The following DENND1A variants were observed in gnomAD, a reference collection of about 807,000 sequenced individuals.
DENND1A encodes the protein DENN domain-containing protein 1A.
DENND1A carries 51 observed loss-of-function variants against 113.7 expected under a neutral mutation model. The ratio of observed to expected loss-of-function variants is 0.45; its 90% CI spans 0.36 to 0.57. The LOEUF is 0.57. DENND1A is among the 20% of genes least tolerant of loss of function. The probability of loss-of-function intolerance (pLI) is 0.00; values close to 1 mark genes in which losing one functional copy is unlikely to be tolerated. For missense variants in DENND1A, 1,258 were observed against 1,395.9 expected (o/e 0.90, Z 1.57); for synonymous variants, 565 against 570.8 (o/e 0.99, Z 0.14).
chr9:123,844,585 T>C (rs1024530504), intron 2 of DENND1A, among the ~76,000 whole-genome samples: 11 of 152,154 alleles, frequency 7.2e-5, no homozygotes, highest in African/African-American at 2.7e-4. Context: ...CCTTAATAAA[T>C]GGAAAGATAT....
chr9:123,840,479 G>C (rs1841668089), intron 2 of DENND1A, among the ~76,000 whole-genome samples: 1 of 152,012 alleles, frequency 6.6e-6, no homozygotes, highest in Non-Finnish European at 1.5e-5. Context: ...ACAAGAATCA[G>C]TCATATATAC....
intron 13 of DENND1A, among the ~76,000 whole-genome samples, chr9:123,499,019 C>A (rs948188742): frequency 2.0e-5 from 3 of 151,270 alleles, no homozygotes; most frequent in Non-Finnish European, 4.4e-5. Flanking sequence ...CACTGTGCCC[C>A]GCCTTTTTAA....
intron 13 of DENND1A, among the ~76,000 whole-genome samples, chr9:123,468,754 A>C (rs2049157448): frequency 6.6e-6 from 1 of 152,216 alleles, no homozygotes; most frequent in Admixed American, 6.5e-5. Context: ...AAGCTGAGAG[A>C]GTGGGGACAG....
intron 13 of DENND1A, among the ~76,000 whole-genome samples, chr9:123,543,837 T>G (rs2056460969): frequency 6.6e-6 from 1 of 152,196 alleles, no homozygotes; most frequent in Admixed American, 6.5e-5. Flanking sequence ...CACCCCTTAC[T>G]GCAACTCTCT....
chr9:123,825,281 G>C (rs1198761516), intron 2 of DENND1A, among the ~76,000 whole-genome samples: 1 of 150,726 alleles, frequency 6.6e-6, no homozygotes, highest in Non-Finnish European at 1.5e-5. Flanking sequence ...TGTTCCCAAT[G>C]CTCCTGGGAA....
At chr9:123,708,712 G>A (rs1448416688) in intron 5 of DENND1A, among the ~76,000 whole-genome samples, 1 of 152,136 alleles carries the variant, frequency 6.6e-6, no homozygotes, top group Admixed American at 6.5e-5. Context: ...GTTTGGCAGG[G>A]GGAGTAGGAT....
intron 19 of DENND1A, among the ~76,000 whole-genome samples, chr9:123,419,746 T>C (rs900657896): frequency 1.3e-5 from 2 of 152,256 alleles, no homozygotes; most frequent in African/African-American, 4.8e-5. Flanking sequence ...ATTGAAGCGA[T>C]ATTTTTGTGG....
intron 13 of DENND1A, among the ~76,000 whole-genome samples, chr9:123,517,656 C>A (rs971679131): frequency 2.6e-5 from 4 of 151,444 alleles, no homozygotes; most frequent in South Asian, 4.2e-4. Context: ...ACAAAACAAA[C>A]AAAAAAAACA....
chr9:123,924,520 G>A (rs567357510), intron 1 of DENND1A, among the ~76,000 whole-genome samples: 44 of 151,932 alleles, frequency 2.9e-4, no homozygotes, highest in Non-Finnish European at 4.0e-4. Context: ...GCATGGTGGC[G>A]GGCACCTGCA....
At chr9:123,863,317 T>TAA (rs1845326175) in intron 2 of DENND1A, among the ~76,000 whole-genome samples, 1 of 152,124 alleles carries the variant, frequency 6.6e-6, no homozygotes, top group Admixed American at 6.5e-5. Flanking sequence ...ACACTCAGAG[T>TAA]TGATTCAAAT....
At chr9:123,637,179 G>A (rs187412159) in intron 9 of DENND1A, among the ~76,000 whole-genome samples, 1 of 152,288 alleles carries the variant, frequency 6.6e-6, no homozygotes, top group Non-Finnish European at 1.5e-5. Context: ...AGGGTTAGAG[G>A]CATTTGGATT....
At chr9:123,401,960 C>G (rs933113243) in intron 21 of DENND1A, 1 of 1,613,268 alleles carries the variant, frequency 6.2e-7, no homozygotes, top group African/African-American at 1.3e-5. Context: ...TATCAACAGG[C>G]CTGTGACCCT....
At chr9:123,510,113 G>A (rs549175009) in intron 13 of DENND1A, among the ~76,000 whole-genome samples, 31 of 152,366 alleles carry the variant, frequency 2.0e-4, no homozygotes, top group Middle Eastern at 6.8e-3. Context: ...TGCCCTGTGA[G>A]TCGCGCCTTC....
At chr9:123,719,857 C>T (rs1383489088) in intron 5 of DENND1A, among the ~76,000 whole-genome samples, 3 of 152,008 alleles carry the variant, frequency 2.0e-5, no homozygotes, top group African/African-American at 7.3e-5. Flanking sequence ...GTGGAATTTC[C>T]CACTTGTGGA....
At chr9:123,505,971 G>GT (rs1564617176) in intron 13 of DENND1A, among the ~76,000 whole-genome samples, 1 of 151,958 alleles carries the variant, frequency 6.6e-6, no homozygotes, top group Non-Finnish European at 1.5e-5. Context: ...GCTCCTCAAC[G>GT]TGAGTGAGTG....
At chr9:123,545,758 C>T (rs541750238) in intron 13 of DENND1A, among the ~76,000 whole-genome samples, 10 of 152,226 alleles carry the variant, frequency 6.6e-5, no homozygotes, top group African/African-American at 1.7e-4. Context: ...TGAGACACCA[C>T]GCCCATTCCC....
At chr9:123,551,783 C>T (rs1354782151) in intron 13 of DENND1A, among the ~76,000 whole-genome samples, 2 of 152,162 alleles carry the variant, frequency 1.3e-5, no homozygotes, top group African/African-American at 4.8e-5. Context: ...CCAACACTGG[C>T]CCTCCCCGCC....
intron 1 of DENND1A, among the ~76,000 whole-genome samples, chr9:123,904,377 T>C (rs1852355866): frequency 6.6e-6 from 1 of 151,850 alleles, no homozygotes; most frequent in Non-Finnish European, 1.5e-5. Flanking sequence ...AGAATGACTT[T>C]GACAAGCTGA....
chr9:123,514,010 C>T (rs568264646), intron 13 of DENND1A, among the ~76,000 whole-genome samples: 1 of 151,932 alleles, frequency 6.6e-6, no homozygotes, highest in South Asian at 2.1e-4. Flanking sequence ...ACAGAATTCC[C>T]TCCCCAAGTC....
Sources: allele counts gnomAD v4.1 joint callset (sites outside exome capture counted in the v4.1 genomes callset), GRCh38; gene constraint gnomAD v4.1.1; transcripts MANE v1.5; gene names NCBI Gene and HGNC (gene_info 2026-07-23, HGNC 2026-07-21).